Variants in FAM107A observed in about 807,000 individuals in gnomAD.
FAM107A encodes the protein family with sequence similarity 107 member A.
In FAM107A, 19 loss-of-function variants were observed where a neutral mutation model predicts 13.7. The observed-to-expected ratio is 1.38, with a 90% CI of 0.97 to 2.03. The LOEUF is 2.03. FAM107A is among the 30% of genes most tolerant of loss of function. The pLI, the probability that FAM107A is intolerant of heterozygous loss-of-function variation, is 0.00. For synonymous variants in FAM107A, 82 were observed against 74.5 expected, an observed-to-expected ratio of 1.10 and a Z score of -0.52; for missense variants, 203 against 184.4, an observed-to-expected ratio of 1.10 and a Z score of -0.58.
chr3:58,567,944 T>C (rs1377109819), intron 2 of FAM107A, among the ~76,000 whole-genome samples: 1 of 152,104 alleles, frequency 6.6e-6, no homozygotes, highest in Non-Finnish European at 1.5e-5. Context: ...GTATTATCAA[T>C]ATTATTTTTA....
chr3:58,586,380 G>T (rs2065605847), intron 1 of FAM107A, among the ~76,000 whole-genome samples: 1 of 152,138 alleles, frequency 6.6e-6, no homozygotes, highest in Non-Finnish European at 1.5e-5. Flanking sequence ...AAGGATGAAT[G>T]CAGGAAGAGG....
intron 1 of FAM107A, among the ~76,000 whole-genome samples, chr3:58,614,444 T>C (rs1161214523): frequency 1.3e-5 from 2 of 152,120 alleles, no homozygotes; most frequent in Non-Finnish European, 2.9e-5. Context: ...TTAAAAGAAC[T>C]CACCTATAAA....
In FAM107A at chr3:58,586,876, C is replaced by G; in HGVS notation, c.61G>C (p.Ala21Pro). 5 of 1,533,316 alleles carry G rather than the reference C, an allele frequency of 3.3e-6. No homozygotes were observed. In the East Asian group the frequency reaches 1.2e-4, roughly 38 times the overall value. The allele number at this position is 1,533,316 out of a possible 1,614,324, so 95.0% of individuals were successfully genotyped here. A position where few individuals can be genotyped will look rare whatever the true frequency, so the allele number is the denominator to read the frequency against. Residue 21 changes from alanine (A) to proline (P), a missense_variant, in exon 1 of 4, where the codon GCT becomes CCT. By Grantham distance (27) the Ala-to-Pro change is conservative. Transcript: ENST00000447756. Reference sequence around the variant, plus strand: ...CACTTACCCGACCGGAGCAGCACAGCCCGGTAGAGCCCGGTGGCATCGGAG... The same window carrying G: ...CACTTACCCGACCGGAGCAGCACAGGCCGGTAGAGCCCGGTGGCATCGGAG...
At chr3:58,626,077 G>C (rs34708080) in intron 1 of FAM107A, among the ~76,000 whole-genome samples, 13,520 of 152,272 alleles carry the variant, frequency 0.089, 826 homozygotes, top group Non-Finnish European at 0.13. Flanking sequence ...CGCCACGGTA[G>C]GTGGGTGGTG....
At chr3:58,601,554 TA>T (rs2065752368) in intron 1 of FAM107A, among the ~76,000 whole-genome samples, 1 of 152,232 alleles carries the variant, frequency 6.6e-6, no homozygotes, top group African/African-American at 2.4e-5. Flanking sequence ...GATGGATATG[TA>T]AGTGGTTGCC....
At position 58,566,027 on chromosome 3, in the gene FAM107A, TTTG is replaced by T; in HGVS notation, c.*558_*560del. The T allele has an allele frequency of 6.6e-6, 1 of 152,486 alleles. No homozygotes were observed. Among genetic ancestry groups the T allele is most frequent in the Non-Finnish European group, 1.5e-5 (1 of 68,216 alleles). 9.4% of individuals were successfully genotyped at this position (152,486 alleles called of 1,614,324 possible). On this transcript the variant is annotated 3_prime_UTR_variant, in exon 4 of 4. Transcript: ENST00000360997. ...GGGGAGAAGACCCTAAACAGCTGTC[TTTG>T]TTAGTCCCCGCCCACCTGGCCGGGA...
intron 1 of FAM107A, among the ~76,000 whole-genome samples, chr3:58,624,290 C>G (rs982936418): frequency 2.0e-5 from 3 of 152,188 alleles, no homozygotes; most frequent in Admixed American, 2.0e-4. Context: ...TGCAAAAACC[C>G]TGATAGAGGC....
chr3:58,564,698 A>G lies in FAM107A; in HGVS notation c.*1890T>C. ...TGTCTTGCTTCTCTTCACATGTCTG[A>G]ACAACACATGGACCCGAGGGCTGCT... On this transcript the variant is annotated 3_prime_UTR_variant, in exon 4 of 4. Transcript: ENST00000360997. This position sits in a 1 kb window ranked among gnomAD's most constrained non-coding sequence, Gnocchi z 5.6. 6.6e-6 allele frequency: 1 copy of G among 152,392 alleles called. No individual in the cohort carries two copies. Among genetic ancestry groups the G allele is most frequent in the Non-Finnish European group, 1.5e-5 (1 of 68,068 alleles). 9.4% of individuals were successfully genotyped at this position (152,392 alleles called of 1,614,324 possible).
intron 1 of FAM107A, among the ~76,000 whole-genome samples, chr3:58,595,465 C>T (rs186583496): frequency 1.3e-5 from 2 of 152,298 alleles, no homozygotes; most frequent in South Asian, 2.1e-4. Flanking sequence ...AATACACCCT[C>T]CCTGCCCTTG....
chr3:58,620,400 G>T (rs1272457098), intron 1 of FAM107A, among the ~76,000 whole-genome samples: 1 of 152,210 alleles, frequency 6.6e-6, no homozygotes, highest in Non-Finnish European at 1.5e-5. Context: ...TCTGAGACAA[G>T]CTTGCCCTGT....
chr3:58,612,582 A>G (rs2065864859), intron 1 of FAM107A, among the ~76,000 whole-genome samples: 1 of 144,460 alleles, frequency 6.9e-6, no homozygotes. Context: ...AGAGACCCTG[A>G]AAAAAAAAAA....
chr3:58,564,589 G>T lies in FAM107A; in HGVS notation c.*1999C>A, dbSNP rs965362503. On this transcript the variant is annotated 3_prime_UTR_variant, in exon 4 of 4. Coordinates refer to ENST00000360997, the MANE Select transcript of FAM107A (RefSeq NM_001076778.3). This position sits in a 1 kb window ranked among gnomAD's most constrained non-coding sequence, Gnocchi z 5.6. ...CCTCTGGGGCTTCATGGAATGACTT[G>T]TTGCCTCCATGGAGCACCTCTGGGG... 6.6e-6 allele frequency: 1 copy of T among 152,254 alleles called. No individual in the cohort carries two copies. Among genetic ancestry groups the T allele is most frequent in the Non-Finnish European group, 1.5e-5 (1 of 68,058 alleles). 9.4% of individuals were successfully genotyped at this position (152,254 alleles called of 1,614,324 possible). A position where few individuals can be genotyped will look rare whatever the true frequency, so the allele number is the denominator to read the frequency against.
chr3:58,625,422 C>T (rs961281313), intron 1 of FAM107A, among the ~76,000 whole-genome samples: 10 of 152,182 alleles, frequency 6.6e-5, no homozygotes, highest in Non-Finnish European at 5.9e-5. Context: ...AATCATGGAG[C>T]GGTTCTAGCC....
intron 1 of FAM107A, among the ~76,000 whole-genome samples, chr3:58,616,535 A>G (rs1483187122): frequency 8.6e-6 from 1 of 116,206 alleles, no homozygotes; most frequent in African/African-American, 3.0e-5. Flanking sequence ...GAACACACAC[A>G]CACACACACA....
chr3:58,581,327 G>A (rs189206993), upstream of FAM107A, among the ~76,000 whole-genome samples: 270 of 152,358 alleles, frequency 1.8e-3, 1 homozygote, highest in East Asian at 6.0e-3. Context: ...ACAGGGAGGT[G>A]GAGAATTTTC....
intron 1 of FAM107A, among the ~76,000 whole-genome samples, chr3:58,593,670 C>T (rs2065673740): frequency 6.6e-6 from 1 of 151,936 alleles, no homozygotes; most frequent in South Asian, 2.1e-4. Flanking sequence ...AACATACTAT[C>T]AATCTCACTC....
chr3:58,606,516 G>A (rs770372650), intron 1 of FAM107A, among the ~76,000 whole-genome samples: 1 of 152,238 alleles, frequency 6.6e-6, no homozygotes, highest in Non-Finnish European at 1.5e-5. Flanking sequence ...TTCACAAGGT[G>A]TAGAATTGAG....
At position 58,613,149 on chromosome 3, in the gene FAM107A, G is replaced by T. The variant is rs1310364609; in HGVS notation, c.-70+14267C>A. On this transcript the variant is annotated intron_variant, in intron 1 of 3. Transcript: ENST00000465970. This position sits in a 1 kb window ranked among gnomAD's most constrained non-coding sequence, Gnocchi z 4.6. The stretch of plus-strand genomic sequence containing the variant: ...AGGGAGCCAACTGCCTGTTTTGTCA[G>T]GTAACACCGACAAAAATAGCAGCCA... Among the ~76,000 whole-genome samples, 2 of 152,138 alleles carry T rather than the reference G, an allele frequency of 1.3e-5. No individual in the cohort carries two copies. The highest frequency in any genetic ancestry group is 3.8e-4 in the East Asian group (2 of 5,196).
intron 1 of FAM107A, among the ~76,000 whole-genome samples, chr3:58,605,840 T>A (rs1194903589): frequency 6.6e-6 from 1 of 152,194 alleles, no homozygotes; most frequent in Non-Finnish European, 1.5e-5. Context: ...AAAGGCACAG[T>A]AGTAGACCCA....
Sources: gnomAD v4.1 joint callset for allele counts (sites outside exome capture counted in the v4.1 genomes callset) on GRCh38, gnomAD v4.1.1 for gene constraint, Gnocchi (gnomAD v3.1) non-coding constraint, MANE v1.5 for transcripts, NCBI Gene and HGNC (gene_info 2026-07-23, HGNC 2026-07-21) for gene names.